Variants in PCDH15 observed in about 807,000 individuals in gnomAD.
PCDH15 encodes protocadherin-15.
Under a neutral mutation model 178.5 loss-of-function variants are expected in PCDH15, and 129 were observed. That is an observed-to-expected ratio of 0.72 (90% confidence interval 0.63 to 0.84). The LOEUF is 0.84. Among genes scored for constraint, PCDH15 ranks in the 40% least tolerant of loss-of-function variants. PCDH15 has a pLI of 0.00. For missense variants in PCDH15, 2,230 were observed against 2,099.9 expected (o/e 1.06, Z -1.21); for synonymous variants, 800 against 732.0 (o/e 1.09, Z -1.50).
chr10:55,077,912 G>A (rs1036907480), intron 2 of PCDH15, among the ~76,000 whole-genome samples: 2 of 152,080 alleles, frequency 1.3e-5, no homozygotes, highest in African/African-American at 2.4e-5. Context: ...TACTTTGCGA[G>A]TGAGTTTTAT....
chr10:54,161,594 C>T (rs2045720580), intron 13 of PCDH15, among the ~76,000 whole-genome samples: 1 of 144,126 alleles, frequency 6.9e-6, no homozygotes, highest in Non-Finnish European at 1.5e-5. Flanking sequence ...CCCCCACCCC[C>T]ACCCCACCAT....
At chr10:54,486,702 C>A (rs1353290094) in intron 3 of PCDH15, among the ~76,000 whole-genome samples, 4 of 151,758 alleles carry the variant, frequency 2.6e-5, no homozygotes, top group African/African-American at 7.3e-5. Context: ...GACTGTAAAA[C>A]CTTCCATTCT....
At chr10:55,332,871 C>A (rs946199387) in intron 2 of PCDH15, among the ~76,000 whole-genome samples, 1 of 152,136 alleles carries the variant, frequency 6.6e-6, no homozygotes, top group Non-Finnish European at 1.5e-5. Context: ...TCCATTAAAC[C>A]TTTTCTTCTT....
upstream of PCDH15, among the ~76,000 whole-genome samples, chr10:54,803,120 T>G (rs182662530): frequency 6.6e-5 from 10 of 152,264 alleles, no homozygotes; most frequent in Non-Finnish European, 1.3e-4. Context: ...TGATATTTTC[T>G]TTGAAAAAAG....
intron 2 of PCDH15, among the ~76,000 whole-genome samples, chr10:55,054,745 T>G (rs1841254895): frequency 6.6e-6 from 1 of 152,206 alleles, no homozygotes; most frequent in Non-Finnish European, 1.5e-5. Context: ...GTGGTTTGAT[T>G]TGCATTTCTC....
intron 1 of PCDH15, among the ~76,000 whole-genome samples, chr10:55,213,283 A>T (rs936191622): frequency 6.6e-6 from 1 of 152,160 alleles, no homozygotes; most frequent in East Asian, 1.9e-4. Context: ...AGTTTCACGA[A>T]TCTTCATTTA....
chr10:55,355,350 C>T (rs1845049093), intron 2 of PCDH15, among the ~76,000 whole-genome samples: 1 of 151,906 alleles, frequency 6.6e-6, no homozygotes, highest in South Asian at 2.1e-4. Flanking sequence ...TTCCAGCGTC[C>T]CACCAGCATT....
chr10:55,539,772 A>T (rs1286778314), intron 2 of PCDH15, among the ~76,000 whole-genome samples: 1 of 152,088 alleles, frequency 6.6e-6, no homozygotes, highest in Non-Finnish European at 1.5e-5. Context: ...AATACAGTTA[A>T]TTTTTCAAAT....
chr10:54,958,848 C>G (rs1838564996), intron 2 of PCDH15, among the ~76,000 whole-genome samples: 1 of 151,706 alleles, frequency 6.6e-6, no homozygotes, highest in Non-Finnish European at 1.5e-5. Context: ...GAAAAGACAT[C>G]CCCAACATGC....
At chr10:55,323,162 T>C (rs974419116), upstream of PCDH15, among the ~76,000 whole-genome samples, 1 of 152,136 alleles carries the variant, frequency 6.6e-6, no homozygotes, top group African/African-American at 2.4e-5. Flanking sequence ...AAATCAAAAA[T>C]TGAGATTTGG....
intron 25 of PCDH15, among the ~76,000 whole-genome samples, chr10:53,908,698 T>A (rs2133740453): frequency 6.6e-6 from 1 of 152,364 alleles, no homozygotes; most frequent in Non-Finnish European, 1.5e-5. Flanking sequence ...CACTAGACTA[T>A]ATTTTCCTCA....
At chr10:54,342,487 CCAG>C (rs1942427778) in intron 6 of PCDH15, among the ~76,000 whole-genome samples, 2 of 152,182 alleles carry the variant, frequency 1.3e-5, no homozygotes, top group African/African-American at 4.8e-5. Flanking sequence ...TGTGAAAATG[CCAG>C]CATGTCCAGG....
chr10:55,051,681 A>G (rs117434718), intron 2 of PCDH15, among the ~76,000 whole-genome samples: 4,402 of 152,294 alleles, frequency 0.029, 86 homozygotes, highest in Non-Finnish European at 0.044. Context: ...ACAATCACTG[A>G]CCACAACCCT....
intron 1 of PCDH15, among the ~76,000 whole-genome samples, chr10:55,254,097 G>C (rs1330803236): frequency 6.6e-6 from 1 of 152,110 alleles, no homozygotes; most frequent in Non-Finnish European, 1.5e-5. Context: ...ATTTATTACA[G>C]TTGTAAAATT....
At chr10:55,037,563 T>C (rs1445498481) in intron 2 of PCDH15, among the ~76,000 whole-genome samples, 2 of 152,194 alleles carry the variant, frequency 1.3e-5, no homozygotes, top group Non-Finnish European at 2.9e-5. Flanking sequence ...AAATCATAAA[T>C]GTATATGAAA....
intron 2 of PCDH15, among the ~76,000 whole-genome samples, chr10:55,140,674 T>A (rs1370331146): frequency 6.6e-6 from 1 of 151,992 alleles, no homozygotes; most frequent in Non-Finnish European, 1.5e-5. Context: ...TGGAAGATAT[T>A]ATGGACAATT....
intron 8 of PCDH15, among the ~76,000 whole-genome samples, chr10:54,246,406 G>A (rs2055930656): frequency 6.6e-6 from 1 of 151,778 alleles, no homozygotes; most frequent in Non-Finnish European, 1.5e-5. Flanking sequence ...TCTATAAATT[G>A]AATTACATAG....
At chr10:54,626,928 C>A (rs7079928) in intron 2 of PCDH15, among the ~76,000 whole-genome samples, 75,810 of 151,966 alleles carry the variant, frequency 0.5, 19,413 homozygotes, top group Non-Finnish European at 0.57. Flanking sequence ...TGGGAACTCA[C>A]CTCTTCCATC....
intron 16 of PCDH15, among the ~76,000 whole-genome samples, 175 bp downstream of exon 16, chr10:54,089,809 C>A (rs2094570417): frequency 6.6e-6 from 1 of 152,154 alleles, no homozygotes. Flanking sequence ...TAAACAGTCT[C>A]CTGGGTAATA....
Sources: gnomAD v4.1 joint callset for allele counts (sites outside exome capture counted in the v4.1 genomes callset) on GRCh38, gnomAD v4.1.1 for gene constraint, MANE v1.5 for transcripts, NCBI Gene and HGNC (gene_info 2026-07-23, HGNC 2026-07-21) for gene names.